The following TRPV3 variants were observed in gnomAD, a reference collection of about 807,000 sequenced individuals.
TRPV3 encodes transient receptor potential cation channel subfamily V member 3.
Under a neutral mutation model 87.1 loss-of-function variants are expected in TRPV3, and 88 were observed. The ratio of observed to expected loss-of-function variants is 1.01; its 90% CI spans 0.85 to 1.21. The LOEUF (loss-of-function observed/expected upper bound fraction) is 1.21, where lower values mean the gene tolerates loss of function less well. Among genes scored for constraint, TRPV3 ranks in the 50% most tolerant of loss-of-function variants. The pLI, the probability that TRPV3 is intolerant of heterozygous loss-of-function variation, is 0.00. For synonymous variants in TRPV3, 438 were observed against 423.3 expected, an observed-to-expected ratio of 1.03 and a Z score of -0.43; for missense variants, 1,054 against 1,030.1, an observed-to-expected ratio of 1.02 and a Z score of -0.32.
chr17:3,545,303 C>A, intron 2 of TRPV3, 32 bp from the exon 3 acceptor site: 1 of 1,543,974 alleles, frequency 6.5e-7, no homozygotes, highest in African/African-American at 1.4e-5. Context: ...CTGTTAGGGC[C>A]GAGCCAGGCA....
intron 7 of TRPV3, among the ~76,000 whole-genome samples, chr17:3,534,876 C>T (rs551626292): frequency 8.8e-4 from 134 of 152,242 alleles, no homozygotes; most frequent in African/African-American, 2.9e-3. Context: ...TAAAATGGGG[C>T]TGCCTCCTCA....
chr17:3,525,621 A>T (rs2074292514), intron 12 of TRPV3, among the ~76,000 whole-genome samples: 1 of 143,446 alleles, frequency 7.0e-6, no homozygotes, highest in Non-Finnish European at 1.5e-5. Context: ...ACCACAATTA[A>T]TTTTTTTTTT....
intron 2 of TRPV3, among the ~76,000 whole-genome samples, chr17:3,549,473 T>C (rs1234200446): frequency 1.3e-5 from 2 of 152,244 alleles, no homozygotes; most frequent in Non-Finnish European, 2.9e-5. Context: ...TACAGTTGAA[T>C]TATCCTTGAT....
chr17:3,526,972 T>G (rs1229072362), intron 11 of TRPV3, 45 bp from the exon 12 acceptor site: 2 of 1,526,636 alleles, frequency 1.3e-6, no homozygotes, highest in Non-Finnish European at 1.8e-6. Flanking sequence ...TTCATGGCCC[T>G]CAGCAGGGGA....
rs1555546954 is a variant in TRPV3 at position 3,556,197 on chromosome 17, A to AT, written c.-2-1346_-2-1345insA. On this transcript the variant is annotated intron_variant, in intron 1 of 17. Coordinates refer to ENST00000576742, the MANE Select transcript of TRPV3 (RefSeq NM_145068.4). The surrounding 1 kb of genome is among the most constrained non-coding windows in gnomAD (Gnocchi z 4.2). The stretch of plus-strand genomic sequence containing the variant: ...GTCTCAAAAAAAATGAAAAAAAAAA[A>AT]AAATAAAGTTTTTATTAAACATAAA... 2.0e-5 allele frequency among the ~76,000 whole-genome samples: 3 copies of AT among 151,886 alleles called. No homozygotes were observed. Among genetic ancestry groups the AT allele is most frequent in the African/African-American group, 7.2e-5 (3 of 41,438 alleles).
rs114711956 is a variant in TRPV3 at position 3,554,808 on chromosome 17, T to C, written c.43A>G (p.Arg15Gly). 2 of 1,612,716 alleles carry C rather than the reference T, an allele frequency of 1.2e-6. No individual in the cohort carries two copies. The highest frequency in any genetic ancestry group is 2.7e-5 in the African/African-American group (2 of 75,030). The change falls in exon 2 of 18, where the codon AGA becomes GGA. Residue 15 changes from arginine (R) to glycine (G), a missense_variant. Coordinates refer to ENST00000576742, the MANE Select transcript of TRPV3 (RefSeq NM_145068.4). ...PKEMVPLMGK[R>G]VAAPSGNPAI... ...GGGTTCCCACTGGGGGCAGCAACTC[T>C]CTTGCCCATGAGAGGCACCATCTCC...
chr17:3,532,554 G>A, intron 8 of TRPV3, 103 bp downstream of exon 8: 1 of 1,401,772 alleles, frequency 7.1e-7, no homozygotes, highest in South Asian at 1.3e-5. Context: ...CAAGGCTGAG[G>A]CTGTGGTTTG....
intron 6 of TRPV3, among the ~76,000 whole-genome samples, chr17:3,536,598 A>G (rs2074411544): frequency 6.6e-6 from 1 of 151,984 alleles, no homozygotes; most frequent in South Asian, 2.1e-4. Flanking sequence ...CAAAAAACAA[A>G]CAAACAAACA....
intron 9 of TRPV3, 148 bp from the exon 10 acceptor site, chr17:3,529,143 G>A (rs1206213661): frequency 1.1e-6 from 1 of 938,650 alleles, no homozygotes; most frequent in East Asian, 2.5e-5. Flanking sequence ...ATGCTGGGAG[G>A]GTGATTTCCG....
In TRPV3 at chr17:3,543,603, T is replaced by G. The variant is rs752003768; in HGVS notation, c.337A>C (p.Arg113=). Residue 113 remains arginine (R), a synonymous_variant, in exon 5 of 18, where the codon AGG becomes CGG. Transcript: ENST00000576742. The part of the protein sequence containing the change: ...PSAQLAKEEQ[R]RKKRRLKKRI... ...TTCTTCAGCCGCCTCTTTTTCCTCC[T>G]CTGCTCTTCCTTGGCCAGCTGTGCA... The G allele has an allele frequency of 1.9e-6, 3 of 1,614,024 alleles. No individual in the cohort carries two copies. The African/African-American group carries it at 4.0e-5, about 22-fold the overall frequency.
chr17:3,529,995 C>G, intron 9 of TRPV3, 32 bp downstream of exon 9: 1 of 1,594,286 alleles, frequency 6.3e-7, no homozygotes, highest in South Asian at 1.1e-5. Flanking sequence ...CCCTCTTCTC[C>G]CTGCCCTTCC....
rs540552977 is a variant in TRPV3 at position 3,543,130 on chromosome 17, C to A, written c.466+344G>T. Among the ~76,000 whole-genome samples, 86 of 152,094 alleles carry A rather than the reference C, an allele frequency of 5.7e-4. 1 individual carries two copies. The highest frequency in any genetic ancestry group is 1.6e-3 in the African/African-American group (65 of 41,492). On this transcript the variant is annotated intron_variant, in intron 5 of 17. Transcript: ENST00000576742. ...CTAAATGGCACCATGCTGGACCCCCCGTCCCTCACTCCCCAGGTCCTCAAA... is the reference window on the plus strand; with the variant it reads ...CTAAATGGCACCATGCTGGACCCCCAGTCCCTCACTCCCCAGGTCCTCAAA...
At chr17:3,537,625 C>T (rs76528202) in intron 6 of TRPV3, among the ~76,000 whole-genome samples, 5,821 of 152,148 alleles carry the variant, frequency 0.038, 180 homozygotes, top group South Asian at 0.073. Context: ...GTTTTAGGGC[C>T]GGGCGCGGTA....
chr17:3,539,174 T>A (rs1597484529), intron 6 of TRPV3, among the ~76,000 whole-genome samples: 1 of 152,050 alleles, frequency 6.6e-6, no homozygotes, highest in Non-Finnish European at 1.5e-5. Flanking sequence ...AAAACCAACT[T>A]GTAGAATACA....
chr17:3,554,902 C>T lies in TRPV3; in HGVS notation c.-2-50G>A. On this transcript the variant is annotated intron_variant, in intron 1 of 17. Coordinates refer to ENST00000576742, the MANE Select transcript of TRPV3 (RefSeq NM_145068.4). ...GCTCAGGCCGGGGGGACAGGGGGAG[C>T]TTCAGGGAGTTTAGGGGCCCCATGT... The T allele has an allele frequency of 4.4e-6, 6 of 1,373,590 alleles. No individual in the cohort carries two copies. The South Asian group carries it at 7.7e-5, about 18-fold the overall frequency. 85.1% of individuals were successfully genotyped at this position (1,373,590 alleles called of 1,614,324 possible). A position where few individuals can be genotyped will look rare whatever the true frequency, so the allele number is the denominator to read the frequency against.
intron 17 of TRPV3, 192 bp from the exon 18 acceptor site, chr17:3,514,203 C>A: frequency 3.8e-6 from 2 of 522,372 alleles, no homozygotes; most frequent in Non-Finnish European, 6.7e-6. Context: ...CTCAGCCTCT[C>A]GAGTAGCTGG....
intron 6 of TRPV3, among the ~76,000 whole-genome samples, chr17:3,536,415 A>G (rs577291781): frequency 2.0e-4 from 31 of 152,218 alleles, no homozygotes; most frequent in African/African-American, 7.2e-4. Flanking sequence ...ATGGTGAAAC[A>G]TGGTCTGTAC....
At position 3,521,007 on chromosome 17, in the gene TRPV3, A is replaced by C. The variant is rs1229859245; in HGVS notation, c.1776T>G (p.Phe592Leu). Residue 592 changes from phenylalanine to leucine, a missense_variant, in exon 14 of 18, where the codon TTT (phenylalanine) becomes TTG (leucine). By Grantham distance (22) the Phe-to-Leu change is conservative (BLOSUM62 0). Transcript: ENST00000576742. ...VILHDVLKFL[F>L]VYIVFLLGFG... ...ATCCAAGCAAAAACACGATATATAC[A>C]AACAAGAACTTCAGAACATCATGCA... 1 of 1,609,118 alleles carries C rather than the reference A, an allele frequency of 6.2e-7. No homozygotes were observed. The highest frequency in any genetic ancestry group is 8.5e-7 in the Non-Finnish European group (1 of 1,176,474).
intron 6 of TRPV3, 100 bp from the exon 7 acceptor site, chr17:3,535,813 G>A (rs954528253): frequency 1.2e-4 from 164 of 1,314,684 alleles, no homozygotes; most frequent in Non-Finnish European, 1.6e-4. Context: ...CCCACGGGGA[G>A]ATCAGAACCC....
Sources: allele counts gnomAD v4.1 joint callset (sites outside exome capture counted in the v4.1 genomes callset), GRCh38; gene constraint gnomAD v4.1.1; non-coding constraint Gnocchi (gnomAD v3.1); transcripts MANE v1.5; gene names NCBI Gene and HGNC (gene_info 2026-07-23, HGNC 2026-07-21).